PXDNL: variants seen among roughly 807,000 people sequenced by gnomAD.
The protein encoded by PXDNL is probable oxidoreductase PXDNL.
Under a neutral mutation model 150.8 loss-of-function variants are expected in PXDNL, and 145 were observed. The observed-to-expected ratio is 0.96, with a 90% CI of 0.84 to 1.10. The LOEUF is 1.10. Ranked by LOEUF, PXDNL falls within the 50% of genes least tolerant of loss-of-function variation. The pLI, the probability that PXDNL is intolerant of heterozygous loss-of-function variation, is 0.00. For missense variants in PXDNL, 2,087 were observed against 1,873.9 expected (o/e 1.11, Z -2.10); for synonymous variants, 757 against 725.7 (o/e 1.04, Z -0.69).
intron 8 of PXDNL, among the ~76,000 whole-genome samples, chr8:51,463,455 A>C (rs1810128723): frequency 6.6e-6 from 1 of 152,212 alleles, no homozygotes; most frequent in Non-Finnish European, 1.5e-5. Flanking sequence ...ATTGGAAAAC[A>C]AAAAAGGGTA....
Position 51,371,869 on chromosome 8 carries a change from T to C in PXDNL, c.3901+4A>G. 1.2e-6 allele frequency: 2 copies of C among 1,611,828 alleles called. No individual in the cohort carries two copies. Among genetic ancestry groups the C allele is most frequent in the Non-Finnish European group, 1.7e-6 (2 of 1,178,326 alleles). Reference sequence around the variant, plus strand: ...CAGATCGTGCTCATTGCATTATTACTGACCTGCACAGCAGTCTTGCCACAC... The same window carrying C: ...CAGATCGTGCTCATTGCATTATTACCGACCTGCACAGCAGTCTTGCCACAC... On this transcript the variant is annotated splice_donor_region_variant and intron_variant, in intron 19 of 22. Coordinates refer to ENST00000356297, the MANE Select transcript of PXDNL (RefSeq NM_144651.5).
intron 1 of PXDNL, among the ~76,000 whole-genome samples, chr8:51,701,720 T>C (rs1488355309): frequency 6.6e-6 from 1 of 152,204 alleles, no homozygotes; most frequent in East Asian, 1.9e-4. Flanking sequence ...GCAAAACAAA[T>C]TTTATCTCTG....
intron 3 of PXDNL, among the ~76,000 whole-genome samples, chr8:51,560,478 A>G (rs1812696408): frequency 6.6e-6 from 1 of 152,052 alleles, no homozygotes; most frequent in Admixed American, 6.6e-5. Flanking sequence ...TATACAGACC[A>G]GTAGGAAGTC....
At chr8:51,805,089 A>G (rs986285135) in intron 1 of PXDNL, among the ~76,000 whole-genome samples, 27 of 151,708 alleles carry the variant, frequency 1.8e-4, no homozygotes, top group Admixed American at 1.8e-3. Flanking sequence ...TCTCTCCCCA[A>G]CAAGTCAACC....
intron 17 of PXDNL, among the ~76,000 whole-genome samples, chr8:51,400,575 A>C (rs1279958125): frequency 6.6e-6 from 1 of 152,224 alleles, no homozygotes; most frequent in Non-Finnish European, 1.5e-5. Context: ...CCTTCTAAGA[A>C]ATGGACCTTG....
At chr8:51,764,484 A>G (rs1438758432) in intron 1 of PXDNL, among the ~76,000 whole-genome samples, 1 of 150,798 alleles carries the variant, frequency 6.6e-6, no homozygotes, top group East Asian at 1.9e-4. Context: ...GCTCCACCCT[A>G]TAAGTGTTGT....
intron 2 of PXDNL, among the ~76,000 whole-genome samples, chr8:51,612,828 TATG>T (rs1451419947): frequency 1.3e-5 from 2 of 152,354 alleles, no homozygotes; most frequent in East Asian, 3.9e-4. Context: ...CCACTCAGTC[TATG>T]ATATTTTGTT....
intron 1 of PXDNL, among the ~76,000 whole-genome samples, chr8:51,788,566 A>T (rs900001269): frequency 3.9e-5 from 6 of 152,182 alleles, no homozygotes; most frequent in Non-Finnish European, 8.8e-5. Context: ...ACAATCTTAG[A>T]CTTCAGACAT....
At chr8:51,806,935 C>A (rs1332603618) in intron 1 of PXDNL, among the ~76,000 whole-genome samples, 1 of 152,192 alleles carries the variant, frequency 6.6e-6, no homozygotes, top group African/African-American at 2.4e-5. Context: ...TGTTTACTGG[C>A]AGGTTCCCAG....
At chr8:51,560,652 C>T (rs1437780886) in intron 3 of PXDNL, among the ~76,000 whole-genome samples, 2 of 151,756 alleles carry the variant, frequency 1.3e-5, no homozygotes, top group East Asian at 1.9e-4. Context: ...AAAATTAACT[C>T]AAAATGAAGC....
chr8:51,721,476 G>A (rs1816728231), intron 1 of PXDNL, among the ~76,000 whole-genome samples: 3 of 152,082 alleles, frequency 2.0e-5, no homozygotes, highest in Non-Finnish European at 4.4e-5. Context: ...GCAGCTCCCA[G>A]TAACTTCTTC....
intron 21 of PXDNL, 68 bp from the exon 22 acceptor site, chr8:51,320,965 A>T: frequency 3.5e-6 from 4 of 1,130,958 alleles, no homozygotes; most frequent in Non-Finnish European, 4.0e-6. Context: ...AATCAATAAC[A>T]TGGTTTGATG....
intron 1 of PXDNL, among the ~76,000 whole-genome samples, chr8:51,693,280 G>A (rs1207813038): frequency 6.6e-6 from 1 of 152,184 alleles, no homozygotes; most frequent in Admixed American, 6.5e-5. Flanking sequence ...GTGTGGTAAA[G>A]AATGTACTGA....
rs1470451656 is a variant in PXDNL at position 51,409,233 on chromosome 8, G to C, written c.2391C>G (p.His797Gln). The change falls in exon 17 of 23, where the codon CAC becomes CAG. Residue 797 changes from histidine (H) to glutamine (Q), a missense_variant. Physicochemically the swap from His to Gln is conservative, Grantham distance 24. Coordinates refer to ENST00000356297, the MANE Select transcript of PXDNL (RefSeq NM_144651.5). ...AGTGCATGAGCATGCGCGTGTAGCTGTGGTCGGGGGTGACGGCCGCCGCGC... is the reference window on the plus strand; with the variant it reads ...AGTGCATGAGCATGCGCGTGTAGCTCTGGTCGGGGGTGACGGCCGCCGCGC... ...WARAAAVTPD[H>Q]SYTRMLMHWG... 6.5e-7 allele frequency: 1 copy of C among 1,534,118 alleles called. No homozygotes were observed. Among genetic ancestry groups the C allele is most frequent in the Non-Finnish European group, 8.7e-7 (1 of 1,145,084 alleles).
chr8:51,786,268 GCA>G (rs937200507), intron 1 of PXDNL, among the ~76,000 whole-genome samples: 1 of 151,954 alleles, frequency 6.6e-6, no homozygotes, highest in African/African-American at 2.4e-5. Context: ...GAGTGCAGTA[GCA>G]CAGTCTCAGC....
chr8:51,571,622 G>T (rs1812946992), intron 3 of PXDNL, among the ~76,000 whole-genome samples: 1 of 151,774 alleles, frequency 6.6e-6, no homozygotes, highest in African/African-American at 2.4e-5. Context: ...CACATTTTTA[G>T]AACATTCTTC....
intron 2 of PXDNL, among the ~76,000 whole-genome samples, chr8:51,650,083 C>G (rs1448388554): frequency 9.3e-6 from 1 of 107,770 alleles, no homozygotes; most frequent in South Asian, 3.2e-4. Flanking sequence ...GCCTCAACAA[C>G]AGAGAGAGAC....
intron 1 of PXDNL, among the ~76,000 whole-genome samples, chr8:51,780,810 C>T (rs1308346872): frequency 6.6e-6 from 1 of 152,044 alleles, no homozygotes; most frequent in Non-Finnish European, 1.5e-5. Context: ...CAGGTGTGCA[C>T]AACCATGCCT....
intron 4 of PXDNL, among the ~76,000 whole-genome samples, chr8:51,526,963 A>C (rs1227258299): frequency 6.6e-6 from 1 of 152,138 alleles, no homozygotes; most frequent in African/African-American, 2.4e-5. Context: ...CTGGTCAACC[A>C]TGAGCCTCTC....
Sources: allele counts gnomAD v4.1 joint callset (sites outside exome capture counted in the v4.1 genomes callset), GRCh38; gene constraint gnomAD v4.1.1; transcripts MANE v1.5; gene names NCBI Gene and HGNC (gene_info 2026-07-23, HGNC 2026-07-21).